Variants in CACNA1A observed in about 807,000 individuals in gnomAD.
The protein encoded by CACNA1A is calcium voltage-gated channel subunit alpha1 A, also known as voltage-dependent P/Q-type calcium channel subunit alpha-1A.
CACNA1A carries 57 observed loss-of-function variants against 262.4 expected under a neutral mutation model. The observed-to-expected ratio is 0.22, with a 90% confidence interval of 0.18 to 0.27. The LOEUF (loss-of-function observed/expected upper bound fraction) is 0.27, where lower values mean the gene tolerates loss of function less well. CACNA1A is among the 10% of genes least tolerant of loss of function. The pLI is 1.00. For synonymous variants in CACNA1A, 1,431 were observed against 1,419.3 expected, an observed-to-expected ratio of 1.01 and a Z score of -0.18; for missense variants, 2,526 against 3,562.8, an observed-to-expected ratio of 0.71 and a Z score of 7.41.
At chr19:13,221,091 G>A (rs559919319) in intron 38 of CACNA1A, among the ~76,000 whole-genome samples, 1 of 149,930 alleles carries the variant, frequency 6.7e-6, no homozygotes, top group Admixed American at 6.7e-5. Context: ...CATATGTCTC[G>A]AGGCTCAGTC....
intron 38 of CACNA1A, among the ~76,000 whole-genome samples, chr19:13,218,158 T>C (rs2055088152): frequency 6.6e-6 from 1 of 152,016 alleles, no homozygotes; most frequent in Non-Finnish European, 1.5e-5. Context: ...TGGTGCGATC[T>C]TGGCTCACTG....
At chr19:13,290,925 G>A (rs1280008979) in intron 19 of CACNA1A, among the ~76,000 whole-genome samples, 1 of 152,160 alleles carries the variant, frequency 6.6e-6, no homozygotes, top group Admixed American at 6.5e-5. Context: ...AGATGGAAAA[G>A]GGTCTGCCAA....
At position 13,327,713 on chromosome 19, in the gene CACNA1A, C is replaced by T. The variant is rs1386961756; in HGVS notation, c.1345+2531G>A. ...TCAGCCTCCTGAGTAGCTGGGATTA[C>T]AGGCTCACGCCACCACACCCAGCTA... On this transcript the variant is annotated intron_variant, in intron 10 of 46. Coordinates refer to ENST00000360228, the MANE Select transcript of CACNA1A (RefSeq NM_001127222.2). Among the ~76,000 whole-genome samples the T allele has an allele frequency of 2.6e-5, 4 of 151,852 alleles. No individual in the cohort carries two copies. In the East Asian group the frequency reaches 7.9e-4, roughly 30 times the overall value.
rs1231813346 is a variant in CACNA1A, at chr19:13,452,890, C to G, written c.525G>C (p.Val175=). The change falls in exon 3 of 47, where the codon GTG becomes GTC. Residue 175 remains valine (V), a synonymous_variant. Coordinates refer to ENST00000360228, the MANE Select transcript of CACNA1A (RefSeq NM_001127222.2). ...LRNGWNVMDF[V]VVLTGILATV... ...GCGCCACTTACCCCGTTAGCACCACCACAAAGTCCATGACATTCCAGCCAT... is the reference window on the plus strand; with the variant it reads ...GCGCCACTTACCCCGTTAGCACCACGACAAAGTCCATGACATTCCAGCCAT... The G allele has an allele frequency of 4.3e-6, 7 of 1,613,884 alleles. No individual in the cohort carries two copies. Among genetic ancestry groups the G allele is most frequent in the Non-Finnish European group, 5.9e-6 (7 of 1,179,824 alleles).
intron 3 of CACNA1A, among the ~76,000 whole-genome samples, chr19:13,441,667 GA>G (rs758379687): frequency 0.022 from 2,538 of 113,830 alleles, 60 homozygotes; most frequent in African/African-American, 0.062. Flanking sequence ...CTGTCTCGAG[GA>G]AAAAAAAAAA....
chr19:13,474,604 G>T (rs1978321713), intron 1 of CACNA1A, among the ~76,000 whole-genome samples: 1 of 152,160 alleles, frequency 6.6e-6, no homozygotes, highest in African/African-American at 2.4e-5. Context: ...GGATCACAAG[G>T]TCAGGAGTTC....
intron 3 of CACNA1A, among the ~76,000 whole-genome samples, chr19:13,447,998 G>A (rs958534311): frequency 2.7e-5 from 4 of 150,834 alleles, no homozygotes; most frequent in African/African-American, 9.8e-5. Context: ...CCTTCAAGCT[G>A]ATCAAGTTGA....
At chr19:13,321,964 G>A (rs76893841) in intron 10 of CACNA1A, among the ~76,000 whole-genome samples, 31,666 of 152,134 alleles carry the variant, frequency 0.21, 3,391 homozygotes, top group East Asian at 0.3. Context: ...AACACTTTGG[G>A]AGGCCGAGAT....
At chr19:13,334,280 T>C in intron 8 of CACNA1A, 98 bp downstream of exon 8, 2 of 739,236 alleles carry the variant, frequency 2.7e-6, no homozygotes, top group Non-Finnish European at 4.9e-6. Context: ...CCTCCCATCA[T>C]AACCCTCCCA....
At chr19:13,307,718 G>A (rs1254131277) in intron 15 of CACNA1A, 64 bp downstream of exon 15, 3 of 1,380,766 alleles carry the variant, frequency 2.2e-6, no homozygotes, top group African/African-American at 1.4e-5. Context: ...CTTGGATGTG[G>A]AGCAGGCACT....
chr19:13,299,014 G>T lies in CACNA1A; in HGVS notation c.2619C>A (p.Gly873=). 1 of 1,587,794 alleles carries T rather than the reference G, an allele frequency of 6.3e-7. No homozygotes were observed. Residue 873 remains glycine, a synonymous_variant, in exon 19 of 47, where the codon GGC becomes GGA. Coordinates refer to ENST00000360228, the MANE Select transcript of CACNA1A (RefSeq NM_001127222.2). ...RYHDRARDPS[G]SAGLDARRPW... Reference sequence around the variant, plus strand: ...GCCTCCGTGCGTCCAGGCCCGCCGAGCCGCTGGGGTCCCGGGCCCGATCGT... The same window carrying T: ...GCCTCCGTGCGTCCAGGCCCGCCGATCCGCTGGGGTCCCGGGCCCGATCGT...
At chr19:13,343,128 CTT>C (rs112764118) in intron 6 of CACNA1A, among the ~76,000 whole-genome samples, 1 of 142,452 alleles carries the variant, frequency 7.0e-6, no homozygotes. Flanking sequence ...TTTTTTCTTT[CTT>C]TTTTTTTTTG....
At chr19:13,287,939 C>T in intron 19 of CACNA1A, among the ~76,000 whole-genome samples, 1 of 151,798 alleles carries the variant, frequency 6.6e-6, no homozygotes, top group East Asian at 1.9e-4. Context: ...GTAGCTGAGG[C>T]TACAGGCTCA....
intron 22 of CACNA1A, among the ~76,000 whole-genome samples, chr19:13,281,614 C>T (rs1298879521): frequency 1.3e-5 from 2 of 151,460 alleles, no homozygotes; most frequent in African/African-American, 2.4e-5. Context: ...CCCCTCCTGT[C>T]GTGACAACCA....
chr19:13,300,654 G>A lies in CACNA1A; in HGVS notation c.2175C>T (p.Asp725=), dbSNP rs775197399. The change falls in exon 18 of 47, where the codon GAC becomes GAT. Residue 725 remains aspartate (D), a splice_region_variant and synonymous_variant. Transcript: ENST00000360228. ...NLANAQELTK[D]EQEEEEAANQ... ...TCGCTGCTTCTTCTTCCTCTTGCTC[G>A]TCCTAAAAGGCACGTGGAATCTTTG... The A allele has an allele frequency of 3.7e-6, 6 of 1,612,596 alleles. No homozygotes were observed. The South Asian group carries it at 4.4e-5, about 12-fold the overall frequency.
At chr19:13,313,518 A>G (rs1403549206) in intron 11 of CACNA1A, among the ~76,000 whole-genome samples, 1 of 151,112 alleles carries the variant, frequency 6.6e-6, no homozygotes, top group African/African-American at 2.4e-5. Flanking sequence ...AAAAAAAAAA[A>G]AAAGCAACAA....
At position 13,207,256 on chromosome 19, in the gene CACNA1A, GGTGGGGTGTGTGC is replaced by G. The variant is rs2054600298; in HGVS notation, c.*44_*56del. ...CCCGCGGCCTCTGCGCGGCTCCTCG[GGTGGGGTGTGTGC>G]GTGGGGTGCGTGGGGGGCCGGGCGG... On this transcript the variant is annotated 3_prime_UTR_variant, in exon 47 of 47. Transcript: ENST00000360228. This position sits in a 1 kb window ranked among gnomAD's most constrained non-coding sequence, Gnocchi z 5.7. 4 of 1,472,610 alleles carry G rather than the reference GGTGGGGTGTGTGC, an allele frequency of 2.7e-6. No individual in the cohort carries two copies. The highest frequency in any genetic ancestry group is 2.9e-5 in the African/African-American group (2 of 67,810). The allele number at this position is 1,472,610 out of a possible 1,614,324, so 91.2% of individuals were successfully genotyped here.
intron 3 of CACNA1A, among the ~76,000 whole-genome samples, chr19:13,405,042 AC>A (rs2059977813): frequency 6.6e-6 from 1 of 151,328 alleles, no homozygotes; most frequent in Admixed American, 6.6e-5. Flanking sequence ...GATTACAGGC[AC>A]CCCGCCACCA....
At chr19:13,393,071 T>C (rs1490435839) in intron 3 of CACNA1A, among the ~76,000 whole-genome samples, 1 of 152,128 alleles carries the variant, frequency 6.6e-6, no homozygotes, top group East Asian at 1.9e-4. Context: ...GCCCGGCCAA[T>C]TGTTAGGCAG....
Sources: allele counts gnomAD v4.1 joint callset (sites outside exome capture counted in the v4.1 genomes callset), GRCh38; gene constraint gnomAD v4.1.1; non-coding constraint Gnocchi (gnomAD v3.1); transcripts MANE v1.5; gene names NCBI Gene and HGNC (gene_info 2026-07-23, HGNC 2026-07-21).